Variants in CACNA2D3 observed in about 807,000 individuals in gnomAD.
CACNA2D3 encodes the protein calcium voltage-gated channel auxiliary subunit alpha2delta 3.
A neutral mutation model predicts 160.6 loss-of-function variants in CACNA2D3; 60 were observed. The observed-to-expected ratio is 0.37, with a 90% CI of 0.30 to 0.46. The LOEUF (loss-of-function observed/expected upper bound fraction) is 0.46. CACNA2D3 is among the 20% of genes least tolerant of loss of function. The probability of loss-of-function intolerance (pLI) is 1.00; values close to 1 mark genes in which losing one functional copy is unlikely to be tolerated. For synonymous variants in CACNA2D3, 558 were observed against 492.9 expected (o/e 1.13, Z -1.75); for missense variants, 1,205 against 1,365.0 (o/e 0.88, Z 1.85).
intron 13 of CACNA2D3, among the ~76,000 whole-genome samples, chr3:54,784,372 T>C (rs1226876218): frequency 6.6e-6 from 1 of 152,174 alleles, no homozygotes; most frequent in South Asian, 2.1e-4. Context: ...ACCTTGCCTC[T>C]GGTCTGAACT....
chr3:54,301,024 TAA>T (rs1213981929), intron 2 of CACNA2D3, among the ~76,000 whole-genome samples: 3 of 140,062 alleles, frequency 2.1e-5, no homozygotes, highest in Admixed American at 7.1e-5. Context: ...TGTGTCCCTT[TAA>T]AAAAAAAAAA....
chr3:54,503,903 C>A (rs909266381), intron 5 of CACNA2D3, among the ~76,000 whole-genome samples: 1 of 152,102 alleles, frequency 6.6e-6, no homozygotes, highest in African/African-American at 2.4e-5. Context: ...TAGGGGTTGG[C>A]AGTTTCTATA....
intron 13 of CACNA2D3, among the ~76,000 whole-genome samples, chr3:54,771,668 C>G (rs1465825068): frequency 6.6e-6 from 1 of 152,226 alleles, no homozygotes; most frequent in Non-Finnish European, 1.5e-5. Context: ...TGATGCTTCA[C>G]TTTCCCTTAA....
At chr3:54,514,482 G>T (rs976321933) in intron 5 of CACNA2D3, among the ~76,000 whole-genome samples, 2 of 152,200 alleles carry the variant, frequency 1.3e-5, no homozygotes, top group African/African-American at 4.8e-5. Flanking sequence ...CCTCTAGCAT[G>T]CCAGACGCTG....
At chr3:54,607,042 A>G (rs1698643847) in intron 9 of CACNA2D3, among the ~76,000 whole-genome samples, 2 of 152,190 alleles carry the variant, frequency 1.3e-5, no homozygotes, top group South Asian at 2.1e-4. Context: ...AATCTTTTCC[A>G]TGTAGTCCTT....
intron 2 of CACNA2D3, among the ~76,000 whole-genome samples, chr3:54,237,262 C>G (rs1559891780): frequency 6.6e-6 from 1 of 152,004 alleles, no homozygotes; most frequent in Non-Finnish European, 1.5e-5. Flanking sequence ...AATAGGACAT[C>G]CAGTGTGAAG....
intron 14 of CACNA2D3, among the ~76,000 whole-genome samples, chr3:54,824,711 T>C (rs1703714607): frequency 2.0e-5 from 3 of 152,064 alleles, no homozygotes; most frequent in Admixed American, 2.0e-4. Context: ...ACACGTCCCT[T>C]ATGGGATTTT....
chr3:54,559,596 A>G (rs967772041), intron 5 of CACNA2D3, among the ~76,000 whole-genome samples: 2 of 152,098 alleles, frequency 1.3e-5, no homozygotes, highest in Admixed American at 6.5e-5. Context: ...CCTGGCTTCA[A>G]CTTTTATTTT....
chr3:54,852,743 T>G (rs151162094), intron 17 of CACNA2D3, among the ~76,000 whole-genome samples: 1,853 of 152,298 alleles, frequency 0.012, 11 homozygotes, highest in Non-Finnish European at 0.019. Context: ...TTCTCACACT[T>G]TAGTCCTCTT....
chr3:54,288,801 A>T (rs967440402), intron 2 of CACNA2D3, among the ~76,000 whole-genome samples: 1 of 152,194 alleles, frequency 6.6e-6, no homozygotes, highest in African/African-American at 2.4e-5. Flanking sequence ...CCAGCATATA[A>T]ACAGAACCAA....
At chr3:54,837,478 C>G (rs913586469) in intron 15 of CACNA2D3, among the ~76,000 whole-genome samples, 2 of 152,110 alleles carry the variant, frequency 1.3e-5, no homozygotes, top group Non-Finnish European at 2.9e-5. Context: ...GGAAAAGCCC[C>G]AGAGACCATC....
chr3:54,428,113 C>T (rs1380420583), intron 4 of CACNA2D3, among the ~76,000 whole-genome samples: 2 of 152,182 alleles, frequency 1.3e-5, no homozygotes, highest in African/African-American at 4.8e-5. Flanking sequence ...GCCATAGTCA[C>T]GTAATTACTA....
chr3:54,435,693 C>G (rs34569250), intron 4 of CACNA2D3, among the ~76,000 whole-genome samples: 3,785 of 152,234 alleles, frequency 0.025, 77 homozygotes, highest in Non-Finnish European at 0.037. Flanking sequence ...AAAAATCACT[C>G]ACCATACCAA....
At chr3:54,623,178 G>A (rs1297019418) in intron 9 of CACNA2D3, among the ~76,000 whole-genome samples, 1 of 126,098 alleles carries the variant, frequency 7.9e-6, no homozygotes, top group East Asian at 2.4e-4. Flanking sequence ...CCCGGATCTA[G>A]GGGCTCAAGC....
At chr3:55,058,137 T>C (rs1364776542) in intron 35 of CACNA2D3, among the ~76,000 whole-genome samples, 1 of 152,208 alleles carries the variant, frequency 6.6e-6, no homozygotes, top group Non-Finnish European at 1.5e-5. Flanking sequence ...ATAATCATGC[T>C]ATGTTGTGAT....
intron 11 of CACNA2D3, among the ~76,000 whole-genome samples, chr3:54,701,007 C>G (rs593629): frequency 0.83 from 127,010 of 152,208 alleles, 54,100 homozygotes; most frequent in Non-Finnish European, 0.93. Flanking sequence ...TCTAAAAGCA[C>G]AGGCTGCAGA....
intron 13 of CACNA2D3, among the ~76,000 whole-genome samples, chr3:54,774,174 C>A (rs139641540): frequency 2.0e-5 from 3 of 152,084 alleles, no homozygotes; most frequent in East Asian, 1.9e-4. Context: ...TGTCTTGAGG[C>A]GTGACTAGAT....
At chr3:54,237,648 CT>C (rs1373979958) in intron 2 of CACNA2D3, among the ~76,000 whole-genome samples, 1 of 152,034 alleles carries the variant, frequency 6.6e-6, no homozygotes, top group African/African-American at 2.4e-5. Context: ...TTTTAATTGC[CT>C]TTTTTCTGCC....
chr3:54,912,789 C>T (rs190985930), intron 27 of CACNA2D3, among the ~76,000 whole-genome samples: 2 of 152,120 alleles, frequency 1.3e-5, no homozygotes, highest in South Asian at 4.1e-4. Context: ...TTTTATATTT[C>T]TTGTTCACTC....
Sources: allele counts gnomAD v4.1 joint callset (sites outside exome capture counted in the v4.1 genomes callset), GRCh38; gene constraint gnomAD v4.1.1; transcripts MANE v1.5; gene names NCBI Gene and HGNC (gene_info 2026-07-23, HGNC 2026-07-21).